The following VAV3 variants were observed in gnomAD, a reference collection of about 807,000 sequenced individuals.
VAV3 encodes the protein guanine nucleotide exchange factor VAV3.
In VAV3, 94 loss-of-function variants were observed where a neutral mutation model predicts 131.2. That is an observed-to-expected ratio of 0.72 (90% CI 0.61 to 0.85). The LOEUF (loss-of-function observed/expected upper bound fraction) is 0.85. Ranked by LOEUF, VAV3 falls within the 40% of genes least tolerant of loss-of-function variation. The pLI is 0.00. For synonymous variants in VAV3, 349 were observed against 342.0 expected, an observed-to-expected ratio of 1.02 and a Z score of -0.22; for missense variants, 939 against 1,002.7, an observed-to-expected ratio of 0.94 and a Z score of 0.86.
chr1:107,854,064 T>C (rs2100964932), intron 2 of VAV3, among the ~76,000 whole-genome samples: 1 of 152,196 alleles, frequency 6.6e-6, no homozygotes, highest in East Asian at 1.9e-4. Flanking sequence ...ATCCCACCAC[T>C]TTGGGAGGCT....
intron 19 of VAV3, among the ~76,000 whole-genome samples, chr1:107,665,922 G>A (rs974595970): frequency 2.0e-5 from 3 of 152,160 alleles, no homozygotes; most frequent in African/African-American, 4.8e-5. Context: ...GATATTATCT[G>A]TAAATGCAAC....
At chr1:107,752,649 G>A (rs1044567079) in intron 12 of VAV3, among the ~76,000 whole-genome samples, 12 of 152,170 alleles carry the variant, frequency 7.9e-5, no homozygotes, top group Non-Finnish European at 1.6e-4. Flanking sequence ...CATTTGAATA[G>A]GCATTTTTCC....
In VAV3 at chr1:107,727,115, T is replaced by C. The variant is rs1661891597; in HGVS notation, c.1502+21853A>G. Among the ~76,000 whole-genome samples the C allele has an allele frequency of 3.3e-5, 5 of 152,272 alleles. No individual in the cohort carries two copies. In the South Asian group the frequency reaches 1.0e-3, roughly 31 times the overall value. On this transcript the variant is annotated intron_variant, in intron 15 of 26. Transcript: ENST00000370056. ...TAACCTCCACACTTCCTCTACCTTC[T>C]TTTGCCATGCAAAACAAAAATAGAT...
At chr1:107,759,691 T>C (rs556516132) in intron 10 of VAV3, among the ~76,000 whole-genome samples, 3 of 152,280 alleles carry the variant, frequency 2.0e-5, no homozygotes, top group African/African-American at 7.2e-5. Context: ...GGGAACAGTT[T>C]ACTAAATTTC....
At chr1:107,785,442 G>C (rs138993498) in intron 2 of VAV3, 1 of 1,330,426 alleles carries the variant, frequency 7.5e-7, no homozygotes, top group African/African-American at 1.5e-5. Context: ...GGAATTCCGA[G>C]GGAAAGGGTA....
chr1:107,640,872 A>G (rs1655287575), intron 20 of VAV3, among the ~76,000 whole-genome samples: 1 of 152,202 alleles, frequency 6.6e-6, no homozygotes, highest in Admixed American at 6.6e-5. Flanking sequence ...GAGGAGACTG[A>G]GCATATTTAT....
chr1:107,836,995 T>A (rs1571020793), intron 2 of VAV3, among the ~76,000 whole-genome samples: 1 of 151,910 alleles, frequency 6.6e-6, no homozygotes, highest in Middle Eastern at 3.4e-3. Context: ...CTGGTACCAG[T>A]CCTGCTGAAG....
At chr1:107,623,344 T>G (rs1268377720) in intron 20 of VAV3, among the ~76,000 whole-genome samples, 1 of 152,226 alleles carries the variant, frequency 6.6e-6, no homozygotes, top group African/African-American at 2.4e-5. Flanking sequence ...TTATCTATAA[T>G]ATTGTTTCTT....
At chr1:107,661,106 G>A (rs1283979777) in intron 19 of VAV3, among the ~76,000 whole-genome samples, 3 of 152,110 alleles carry the variant, frequency 2.0e-5, no homozygotes. Flanking sequence ...GTAAAATTAT[G>A]AGAACTTTTT....
chr1:107,844,698 C>G (rs952071175), intron 2 of VAV3, among the ~76,000 whole-genome samples: 7 of 152,172 alleles, frequency 4.6e-5, no homozygotes, highest in Non-Finnish European at 1.0e-4. Context: ...GAAGTTCGGA[C>G]TGGGTGGAGC....
chr1:107,928,854 A>G (rs1673282787), intron 1 of VAV3, among the ~76,000 whole-genome samples: 2 of 152,204 alleles, frequency 1.3e-5, no homozygotes, highest in African/African-American at 4.8e-5. Flanking sequence ...GGATAATAAA[A>G]CAGAACTTCC....
intron 15 of VAV3, among the ~76,000 whole-genome samples, chr1:107,710,401 T>C (rs1212202800): frequency 1.3e-5 from 2 of 152,198 alleles, no homozygotes; most frequent in Non-Finnish European, 2.9e-5. Flanking sequence ...GGCTTTTTTG[T>C]ATCAAAAATA....
intron 5 of VAV3, among the ~76,000 whole-genome samples, chr1:107,771,265 T>A (rs1360328448): frequency 1.3e-5 from 2 of 151,716 alleles, no homozygotes; most frequent in Non-Finnish European, 2.9e-5. Flanking sequence ...TTTTTTTTTT[T>A]TTTTTGAGTC....
intron 2 of VAV3, among the ~76,000 whole-genome samples, chr1:107,864,806 T>C (rs776901483): frequency 6.6e-6 from 1 of 152,188 alleles, no homozygotes; most frequent in African/African-American, 2.4e-5. Context: ...CTTGTTTGTT[T>C]ATGCTTTACC....
At chr1:107,782,746 C>T (rs868147583) in intron 2 of VAV3, among the ~76,000 whole-genome samples, 2 of 152,148 alleles carry the variant, frequency 1.3e-5, no homozygotes, top group African/African-American at 4.8e-5. Context: ...AAAGGCGAAG[C>T]GTATCCGGAT....
At chr1:107,781,567 A>G (rs753553670) in intron 2 of VAV3, among the ~76,000 whole-genome samples, 5 of 152,200 alleles carry the variant, frequency 3.3e-5, no homozygotes, top group Non-Finnish European at 7.4e-5. Context: ...TACATAAACA[A>G]AAGAGAAGGG....
chr1:107,945,776 C>T (rs1052063549), intron 1 of VAV3, among the ~76,000 whole-genome samples: 7 of 144,544 alleles, frequency 4.8e-5, no homozygotes, highest in Admixed American at 1.4e-4. Context: ...GAATCGAGAT[C>T]GCGCCATTAC....
intron 2 of VAV3, among the ~76,000 whole-genome samples, chr1:107,858,046 A>G (rs779963640): frequency 5.9e-5 from 9 of 152,240 alleles, no homozygotes; most frequent in Non-Finnish European, 1.0e-4. Context: ...CACTCTGGCA[A>G]TAATAAATGT....
chr1:107,860,189 C>G (rs192475774), intron 2 of VAV3, among the ~76,000 whole-genome samples: 4 of 152,190 alleles, frequency 2.6e-5, no homozygotes, highest in Non-Finnish European at 5.9e-5. Flanking sequence ...GGCATGATCT[C>G]GACTCACTGC....
Sources: gnomAD v4.1 joint callset for allele counts (sites outside exome capture counted in the v4.1 genomes callset) on GRCh38, gnomAD v4.1.1 for gene constraint, MANE v1.5 for transcripts, NCBI Gene and HGNC (gene_info 2026-07-23, HGNC 2026-07-21) for gene names.